Variants in TMTC2 observed in about 807,000 individuals in gnomAD.
TMTC2 encodes the protein protein O-mannosyl-transferase TMTC2.
TMTC2 carries 43 observed loss-of-function variants against 82.4 expected under a neutral mutation model. The ratio of observed to expected loss-of-function variants is 0.52; its 90% CI spans 0.41 to 0.67. The LOEUF (loss-of-function observed/expected upper bound fraction) is 0.67. TMTC2 is among the 30% of genes least tolerant of loss of function. The pLI, the probability that TMTC2 is intolerant of heterozygous loss-of-function variation, is 0.00. For missense variants in TMTC2, 919 were observed against 1,012.4 expected (o/e 0.91, Z 1.25); for synonymous variants, 408 against 381.9 (o/e 1.07, Z -0.80).
intron 2 of TMTC2, among the ~76,000 whole-genome samples, chr12:82,861,547 T>C (rs550110786): frequency 6.6e-5 from 10 of 152,352 alleles, no homozygotes; most frequent in Admixed American, 5.9e-4. Context: ...TGATAAAATA[T>C]ATGGGAAATA....
At chr12:83,016,366 G>T (rs559560521) in intron 8 of TMTC2, among the ~76,000 whole-genome samples, 1 of 152,178 alleles carries the variant, frequency 6.6e-6, no homozygotes, top group Non-Finnish European at 1.5e-5. Flanking sequence ...GTGAGTCAGC[G>T]TAAGTATGCC....
intron 1 of TMTC2, among the ~76,000 whole-genome samples, chr12:82,701,609 A>AAAG (rs1191919020): frequency 6.6e-6 from 1 of 150,764 alleles, no homozygotes; most frequent in Non-Finnish European, 1.5e-5. Flanking sequence ...AAAAAAAAAA[A>AAAG]AAATTTCTGG....
At chr12:82,843,238 C>T (rs534865257) in intron 1 of TMTC2, among the ~76,000 whole-genome samples, 2 of 152,240 alleles carry the variant, frequency 1.3e-5, no homozygotes, top group South Asian at 2.1e-4. Context: ...AGGTGCCCGC[C>T]ACCACGCCCA....
intron 11 of TMTC2, among the ~76,000 whole-genome samples, chr12:83,102,817 C>T (rs972680426): frequency 2.0e-5 from 3 of 152,158 alleles, no homozygotes; most frequent in Non-Finnish European, 4.4e-5. Flanking sequence ...GTGATGTACT[C>T]AGGAGGCAGT....
chr12:82,867,073 G>A (rs1341306833), intron 2 of TMTC2, among the ~76,000 whole-genome samples: 1 of 152,204 alleles, frequency 6.6e-6, no homozygotes, highest in African/African-American at 2.4e-5. Flanking sequence ...AGTCAGTGAT[G>A]ATTTGGTGGT....
At chr12:82,970,926 T>C (rs1878422028) in intron 7 of TMTC2, among the ~76,000 whole-genome samples, 1 of 152,174 alleles carries the variant, frequency 6.6e-6, no homozygotes, top group Admixed American at 6.5e-5. Context: ...CAAATTAAGA[T>C]TGTCCTATGT....
intron 4 of TMTC2, among the ~76,000 whole-genome samples, chr12:82,932,897 T>G (rs1876120194): frequency 6.6e-6 from 1 of 152,208 alleles, no homozygotes; most frequent in African/African-American, 2.4e-5. Flanking sequence ...AGAAATGTAT[T>G]CAATTAGAAA....
At chr12:83,006,102 A>T (rs1592688729) in intron 8 of TMTC2, among the ~76,000 whole-genome samples, 1 of 152,182 alleles carries the variant, frequency 6.6e-6, no homozygotes, top group Admixed American at 6.5e-5. Flanking sequence ...GGATCCCAGA[A>T]GTCCATGGTA....
chr12:82,862,451 A>G (rs566174291), intron 2 of TMTC2, among the ~76,000 whole-genome samples: 1 of 152,358 alleles, frequency 6.6e-6, no homozygotes, highest in Non-Finnish European at 1.5e-5. Context: ...CAATGTAGCA[A>G]TACTAATACT....
chr12:82,716,241 C>G (rs898470869), intron 1 of TMTC2, among the ~76,000 whole-genome samples: 1 of 151,970 alleles, frequency 6.6e-6, no homozygotes, highest in Non-Finnish European at 1.5e-5. Flanking sequence ...GACATCTAGT[C>G]TTATTTGTGC....
Position 82,841,693 on chromosome 12 carries a change from T to G in TMTC2, c.84-15317T>G, listed in dbSNP as rs191426779. Among the ~76,000 whole-genome samples the G allele has an allele frequency of 8.5e-5, 13 of 152,300 alleles. No homozygotes were observed. The South Asian group carries it at 2.5e-3, about 29-fold the overall frequency. On this transcript the variant is annotated intron_variant, in intron 1 of 11. Coordinates refer to ENST00000321196, the MANE Select transcript of TMTC2 (RefSeq NM_152588.3). The stretch of plus-strand genomic sequence containing the variant: ...TGTTCAAAGTCTGATCTTTCTCAGA[T>G]GTATGTGTGTGTGTATAACTATTTT...
At position 83,100,660 on chromosome 12, in the gene TMTC2, G is replaced by C. The variant is rs1185424898; in HGVS notation, c.2332-31550G>C. Among the ~76,000 whole-genome samples the C allele has an allele frequency of 2.0e-5, 3 of 151,832 alleles. No individual in the cohort carries two copies. The East Asian group carries it at 5.8e-4, about 29-fold the overall frequency. On this transcript the variant is annotated intron_variant, in intron 11 of 11. Coordinates refer to ENST00000321196, the MANE Select transcript of TMTC2 (RefSeq NM_152588.3). ...TTTTTTCAGCAGAAATGATCTGTCT[G>C]ATCAACGTAAAATTAGGTAGATAAA...
intron 8 of TMTC2, among the ~76,000 whole-genome samples, chr12:83,025,535 C>T (rs750353294): frequency 6.6e-6 from 1 of 152,108 alleles, no homozygotes; most frequent in Non-Finnish European, 1.5e-5. Context: ...ATCAAAGTTA[C>T]CACAAACCAA....
At chr12:83,046,183 C>T (rs57914628) in intron 9 of TMTC2, among the ~76,000 whole-genome samples, 11,122 of 152,174 alleles carry the variant, frequency 0.073, 593 homozygotes, top group East Asian at 0.25. Flanking sequence ...TAGACCCATA[C>T]GGATTCGCCA....
intron 3 of TMTC2, among the ~76,000 whole-genome samples, chr12:82,913,744 C>G (rs1874836367): frequency 6.6e-6 from 1 of 152,114 alleles, no homozygotes; most frequent in South Asian, 2.1e-4. Flanking sequence ...ACAGCATTCT[C>G]TATTTCAATA....
chr12:83,048,287 A>G (rs1036804276), intron 9 of TMTC2, among the ~76,000 whole-genome samples: 1 of 152,184 alleles, frequency 6.6e-6, no homozygotes, highest in Non-Finnish European at 1.5e-5. Flanking sequence ...TTTTACTGTT[A>G]TATAAAAAAG....
chr12:83,000,208 C>A (rs1488801523), intron 8 of TMTC2, among the ~76,000 whole-genome samples: 1 of 152,190 alleles, frequency 6.6e-6, no homozygotes, highest in South Asian at 2.1e-4. Flanking sequence ...GATCTTGGCT[C>A]ACTGCAACCT....
chr12:83,002,047 T>C (rs973737047), intron 8 of TMTC2, among the ~76,000 whole-genome samples: 13 of 152,206 alleles, frequency 8.5e-5, no homozygotes, highest in African/African-American at 3.1e-4. Context: ...ATAGATTCAG[T>C]AGGATTGGTG....
chr12:83,023,939 A>G (rs1331337264), intron 8 of TMTC2, among the ~76,000 whole-genome samples: 1 of 152,210 alleles, frequency 6.6e-6, no homozygotes, highest in East Asian at 1.9e-4. Context: ...GGGAGGACAA[A>G]CATTAATATC....
Sources: allele counts gnomAD v4.1 joint callset (sites outside exome capture counted in the v4.1 genomes callset), GRCh38; gene constraint gnomAD v4.1.1; transcripts MANE v1.5; gene names NCBI Gene and HGNC (gene_info 2026-07-23, HGNC 2026-07-21).